The following RYR3 variants were observed in gnomAD, a reference collection of about 807,000 sequenced individuals.
RYR3 encodes brain ryanodine receptor-calcium release channel.
A neutral mutation model predicts 584.3 loss-of-function variants in RYR3; 207 were observed. The ratio of observed to expected loss-of-function variants is 0.35; its 90% CI spans 0.32 to 0.40. The LOEUF is 0.40. Among genes scored for constraint, RYR3 ranks in the 10% least tolerant of loss-of-function variants. The probability of loss-of-function intolerance (pLI) is 1.00; values close to 1 mark genes in which losing one functional copy is unlikely to be tolerated. For missense variants in RYR3, 5,616 were observed against 6,089.2 expected, an observed-to-expected ratio of 0.92 and a Z score of 2.59; for synonymous variants, 2,416 against 2,248.5, an observed-to-expected ratio of 1.07 and a Z score of -2.11.
Position 33,696,909 on chromosome 15 carries a change from G to A in RYR3, c.6134+418G>A, listed in dbSNP as rs111421851. ...TCAGGACTAACCTAGAGTCGTTTTT[G>A]TTAGTTCATTGAGATAACTTTCCCC... On this transcript the variant is annotated intron_variant, in intron 39 of 103. Transcript: ENST00000634891. 1.0e-3 allele frequency among the ~76,000 whole-genome samples: 151 copies of A among 149,230 alleles called. 1 individual carries two copies. The highest frequency in any genetic ancestry group is 1.7e-3 in the Non-Finnish European group (116 of 67,118).
In RYR3 at chr15:33,634,673, G is replaced by A; in HGVS notation, c.3115G>A (p.Glu1039Lys). Residue 1039 changes from glutamate to lysine, a missense_variant, in exon 25 of 104, where the codon GAA becomes AAA. By Grantham distance (56) the Glu-to-Lys change is moderately conservative (BLOSUM62 1). Transcript: ENST00000634891. ...TKKSNRDSLR[E>K]AVRTFVGYGY... is the part of the protein sequence containing the mutation. ...GAAGTCAAACAGGGACAGCCTGCGGGAAGCTGTGCGCACTTTTGTTGGTTA... is the reference window on the plus strand; with the variant it reads ...GAAGTCAAACAGGGACAGCCTGCGGAAAGCTGTGCGCACTTTTGTTGGTTA... 1 of 1,613,972 alleles carries A rather than the reference G, an allele frequency of 6.2e-7. No individual in the cohort carries two copies. Among genetic ancestry groups the A allele is most frequent in the Non-Finnish European group, 8.5e-7 (1 of 1,179,848 alleles).
rs914589812 is a variant in RYR3 at position 33,841,757 on chromosome 15, T to G, written c.13038-107T>G. On this transcript the variant is annotated intron_variant, in intron 90 of 103. Transcript: ENST00000634891. ...GAAGTTTCCACCTTCAAGGAATGATTCTACCTCCCGGCCCTCTCAATCCAG... is the reference window on the plus strand; with the variant it reads ...GAAGTTTCCACCTTCAAGGAATGATGCTACCTCCCGGCCCTCTCAATCCAG... 37 of 1,141,940 alleles carry G rather than the reference T, an allele frequency of 3.2e-5. No homozygotes were observed. The African/African-American group carries it at 5.5e-4, about 17-fold the overall frequency. 70.7% of individuals were successfully genotyped at this position (1,141,940 alleles called of 1,614,324 possible). A position where few individuals can be genotyped will look rare whatever the true frequency, so the allele number is the denominator to read the frequency against.
At chr15:33,709,000 GATCAGAATGAGTCAGGGTGGAGCAGGTA>G (rs1280958508) in intron 43 of RYR3, among the ~76,000 whole-genome samples, 1 of 152,154 alleles carries the variant, frequency 6.6e-6, no homozygotes, top group Admixed American at 6.5e-5. Flanking sequence ...TGGAGCAGGT[GATCAGAATGAGTCAGGGTGGAGCAGGTA>G]ATCGAAAAAG....
intron 1 of RYR3, among the ~76,000 whole-genome samples, chr15:33,425,637 A>ATT (rs68182512): frequency 0.07 from 8,505 of 121,002 alleles, 588 homozygotes; most frequent in African/African-American, 0.12. Context: ...GAGACTCACA[A>ATT]TTTTTTTTTT....
chr15:33,862,299 ACCTCCCAGGCTCAAGACATCCG>A (rs1888565388), intron 102 of RYR3, among the ~76,000 whole-genome samples: 1 of 151,786 alleles, frequency 6.6e-6, no homozygotes, highest in South Asian at 2.1e-4. Flanking sequence ...TGCAACCTCC[ACCTCCCAGGCTCAAGACATCCG>A]CCTCAGCCTC....
intron 1 of RYR3, among the ~76,000 whole-genome samples, chr15:33,384,521 T>C (rs28418816): frequency 0.1 from 14,885 of 145,946 alleles, 878 homozygotes; most frequent in Middle Eastern, 0.21. Context: ...ATTAATAATA[T>C]AATAATATTA....
Position 33,773,591 on chromosome 15 carries a change from C to T in RYR3, c.9113C>T (p.Thr3038Met), listed in dbSNP as rs764112773. ...HILCSLYSLG[T>M]GKNIYVERQR... ...CTGTGCAGCCTCTACTCCCTTGGGA[C>T]GGGAAAGAACATTTATGTTGAAAGG... Residue 3038 changes from threonine to methionine, a missense_variant, in exon 64 of 104, where the codon ACG becomes ATG. Physicochemically the swap from Thr to Met is moderately conservative, Grantham distance 81 (BLOSUM62 -1). Coordinates refer to ENST00000634891, the MANE Select transcript of RYR3 (RefSeq NM_001036.6). 5.6e-6 allele frequency: 9 copies of T among 1,606,986 alleles called. No individual in the cohort carries two copies. The highest frequency in any genetic ancestry group is 2.2e-5 in the South Asian group (2 of 89,338).
intron 15 of RYR3, among the ~76,000 whole-genome samples, chr15:33,585,028 C>T (rs1033194302): frequency 1.3e-5 from 2 of 152,058 alleles, no homozygotes; most frequent in Admixed American, 6.6e-5. Context: ...GTGTGGTCAT[C>T]ATTGGGAAGT....
chr15:33,317,257 G>A (rs138998073), intron 1 of RYR3, among the ~76,000 whole-genome samples: 246 of 152,232 alleles, frequency 1.6e-3, no homozygotes, highest in African/African-American at 5.6e-3. Flanking sequence ...AAACCAGAGC[G>A]GGTTTTTCTC....
intron 38 of RYR3, among the ~76,000 whole-genome samples, chr15:33,686,481 G>A (rs925366914): frequency 8.5e-5 from 13 of 152,108 alleles, no homozygotes; most frequent in Admixed American, 5.2e-4. Flanking sequence ...ATTCACAGCC[G>A]AATTCTACCA....
intron 1 of RYR3, among the ~76,000 whole-genome samples, chr15:33,469,372 A>T (rs780155652): frequency 2.6e-5 from 4 of 152,022 alleles, no homozygotes; most frequent in Non-Finnish European, 5.9e-5. Context: ...GTTTTTTGAG[A>T]GTGCCATTGA....
chr15:33,388,393 C>T (rs2041771104), intron 1 of RYR3, among the ~76,000 whole-genome samples: 1 of 152,040 alleles, frequency 6.6e-6, no homozygotes, highest in African/African-American at 2.4e-5. Flanking sequence ...GAAGGAGAAT[C>T]CCAGGTTGAC....
chr15:33,637,442 C>A (rs773566913), intron 27 of RYR3, among the ~76,000 whole-genome samples: 1 of 152,238 alleles, frequency 6.6e-6, no homozygotes, highest in Non-Finnish European at 1.5e-5. Flanking sequence ...TCCTCACGGA[C>A]GAGAAGGGGG....
intron 1 of RYR3, among the ~76,000 whole-genome samples, chr15:33,427,677 T>G (rs1010824296): frequency 6.6e-6 from 1 of 152,262 alleles, no homozygotes; most frequent in East Asian, 1.9e-4. Flanking sequence ...TGAATATTTA[T>G]GCACCTGTGC....
At chr15:33,319,259 A>G (rs185477023) in intron 1 of RYR3, among the ~76,000 whole-genome samples, 154 of 152,364 alleles carry the variant, frequency 1.0e-3, no homozygotes, top group African/African-American at 3.4e-3. Flanking sequence ...GACCAGATCC[A>G]GACTGTAAAT....
At chr15:33,434,492 T>C (rs1027882062) in intron 1 of RYR3, among the ~76,000 whole-genome samples, 1 of 152,228 alleles carries the variant, frequency 6.6e-6, no homozygotes, top group Non-Finnish European at 1.5e-5. Flanking sequence ...CTCTCTGTAA[T>C]ATAGAACAAT....
At chr15:33,721,566 C>T (rs2067913624) in intron 43 of RYR3, among the ~76,000 whole-genome samples, 1 of 152,198 alleles carries the variant, frequency 6.6e-6, no homozygotes, top group Admixed American at 6.5e-5. Flanking sequence ...TTTCTTCAAG[C>T]TTCCAGTACA....
chr15:33,857,694 C>T, intron 98 of RYR3, 86 bp from the exon 99 acceptor site: 1 of 1,541,624 alleles, frequency 6.5e-7, no homozygotes, highest in East Asian at 2.3e-5. Context: ...CTCACTCTTC[C>T]TCCTCGTTTT....
intron 1 of RYR3, among the ~76,000 whole-genome samples, chr15:33,371,716 C>T (rs911451349): frequency 2.0e-5 from 3 of 152,146 alleles, no homozygotes; most frequent in Non-Finnish European, 2.9e-5. Context: ...TTCTGGGAAC[C>T]AATGACTGAT....
Sources: allele counts gnomAD v4.1 joint callset (sites outside exome capture counted in the v4.1 genomes callset), GRCh38; gene constraint gnomAD v4.1.1; transcripts MANE v1.5; gene names NCBI Gene and HGNC (gene_info 2026-07-23, HGNC 2026-07-21).